The following DCBLD2 variants were observed in gnomAD, a reference collection of about 807,000 sequenced individuals.
DCBLD2 encodes discoidin, CUB and LCCL domain containing 2.
A neutral mutation model predicts 86.8 loss-of-function variants in DCBLD2; 54 were observed. The observed-to-expected ratio is 0.62, with a 90% CI of 0.50 to 0.78. The LOEUF is 0.78. Ranked by LOEUF, DCBLD2 falls within the 30% of genes least tolerant of loss-of-function variation. The pLI, the probability that DCBLD2 is intolerant of heterozygous loss-of-function variation, is 0.00. For synonymous variants in DCBLD2, 354 were observed against 341.3 expected (o/e 1.04, Z -0.41); for missense variants, 908 against 954.2 (o/e 0.95, Z 0.64).
At chr3:98,876,525 A>G (rs1160483906) in intron 2 of DCBLD2, among the ~76,000 whole-genome samples, 3 of 151,650 alleles carry the variant, frequency 2.0e-5, no homozygotes, top group Non-Finnish European at 4.4e-5. Context: ...AGCACTATTT[A>G]TCATTATCAA....
intron 3 of DCBLD2, among the ~76,000 whole-genome samples, chr3:98,833,952 T>G (rs1942371889): frequency 6.6e-6 from 1 of 152,132 alleles, no homozygotes; most frequent in Admixed American, 6.5e-5. Context: ...TGGAGACCCA[T>G]GTAAGAAACA....
chr3:98,855,334 G>A (rs377199582), intron 2 of DCBLD2, among the ~76,000 whole-genome samples: 1 of 152,268 alleles, frequency 6.6e-6, no homozygotes, highest in African/African-American at 2.4e-5. Flanking sequence ...GAGAAAAGCA[G>A]AGAATGGTAA....
intron 2 of DCBLD2, among the ~76,000 whole-genome samples, chr3:98,881,263 A>C (rs1943464308): frequency 8.2e-6 from 1 of 122,396 alleles, no homozygotes; most frequent in African/African-American, 2.9e-5. Context: ...TCAAAAAAAA[A>C]AACAAAAAAA....
Position 98,799,282 on chromosome 3 carries a change from G to T in DCBLD2, c.*90C>A. On this transcript the variant is annotated 3_prime_UTR_variant, in exon 16 of 16. Transcript: ENST00000326840. ...CCCCAACCACTTCAGTGACAGTTAT[G>T]TAATACATTCTATATATTACTACCA... is the stretch of plus-strand genomic sequence containing the variant. 7.5e-7 allele frequency: 1 copy of T among 1,326,444 alleles called. No homozygotes were observed. The highest frequency in any genetic ancestry group is 1.0e-6 in the Non-Finnish European group (1 of 971,334). The allele number at this position is 1,326,444 out of a possible 1,614,324, so 82.2% of individuals were successfully genotyped here.
chr3:98,901,076 C>A (rs943640674), intron 1 of DCBLD2, 46 bp downstream of exon 1: 25 of 1,536,308 alleles, frequency 1.6e-5, no homozygotes, highest in Non-Finnish European at 2.2e-5. Context: ...AGACCCGCAG[C>A]CCCGACGGAG....
intron 7 of DCBLD2, among the ~76,000 whole-genome samples, chr3:98,819,931 C>T (rs1027821574): frequency 1.2e-4 from 19 of 152,194 alleles, no homozygotes; most frequent in East Asian, 3.9e-4. Context: ...CTCTATCACT[C>T]GAACCAGAGC....
At chr3:98,859,062 G>A (rs1942991473) in intron 2 of DCBLD2, among the ~76,000 whole-genome samples, 1 of 152,182 alleles carries the variant, frequency 6.6e-6, no homozygotes, top group African/African-American at 2.4e-5. Context: ...ATAGCAAACG[G>A]CACACCAGGA....
chr3:98,839,499 C>T (rs1384961341), intron 3 of DCBLD2, among the ~76,000 whole-genome samples: 4 of 152,058 alleles, frequency 2.6e-5, no homozygotes, highest in Non-Finnish European at 5.9e-5. Flanking sequence ...CTTAATAAGA[C>T]TGTTATAAAA....
chr3:98,832,057 A>G (rs1352847878), intron 3 of DCBLD2, among the ~76,000 whole-genome samples: 1 of 152,128 alleles, frequency 6.6e-6, no homozygotes, highest in Non-Finnish European at 1.5e-5. Flanking sequence ...GTCTCCCACT[A>G]TTATTGTGTG....
chr3:98,817,666 G>C (rs1942047312), intron 9 of DCBLD2, 103 bp downstream of exon 9: 1 of 1,147,232 alleles, frequency 8.7e-7, no homozygotes, highest in Admixed American at 2.2e-5. Context: ...GGTAGTATAA[G>C]ACATTCTAAA....
Position 98,839,197 on chromosome 3 carries a change from TTCCTTCC to T in DCBLD2, c.571+10257_571+10263del, listed in dbSNP as rs1206960863. On this transcript the variant is annotated intron_variant, in intron 3 of 15. Coordinates refer to ENST00000326840, the MANE Select transcript of DCBLD2 (RefSeq NM_080927.4). ...CTTTCTTTCTTCCTTCCTTCCTTCC[TTCCTTCC>T]TTCTTTCTTTCCTTCTTTCCTTCTC... Among the ~76,000 whole-genome samples, 59 of 149,168 alleles carry T rather than the reference TTCCTTCC, an allele frequency of 4.0e-4. 1 individual carries two copies. The highest frequency in any genetic ancestry group is 1.5e-3 in the African/African-American group (59 of 40,036).
In DCBLD2 at chr3:98,837,092, CGGGGGGCCG is replaced by C. The variant is rs1942479802; in HGVS notation, c.572-11735_572-11727del. Among the ~76,000 whole-genome samples, 2 of 10,278 alleles carry C rather than the reference CGGGGGGCCG, an allele frequency of 1.9e-4. 1 individual carries two copies. The highest frequency in any genetic ancestry group is 4.8e-4 in the Non-Finnish European group (2 of 4,166). The allele number at this position is 10,278 out of a possible 152,430, so 6.7% of individuals were successfully genotyped here. ...CTCCCGGACGGGGCGGCTGGCCGGG[CGGGGGGCCG>C]ACACCCCCACCTCCCTCCCAGACGG... On this transcript the variant is annotated intron_variant, in intron 3 of 15. Transcript: ENST00000326840.
chr3:98,828,938 A>G (rs914717037), intron 3 of DCBLD2, among the ~76,000 whole-genome samples: 3 of 152,238 alleles, frequency 2.0e-5, no homozygotes, highest in African/African-American at 7.2e-5. Context: ...ATACATTTAT[A>G]TGAAATGTTT....
At chr3:98,836,826 A>AC (rs1293466467) in intron 3 of DCBLD2, among the ~76,000 whole-genome samples, 9 of 34,068 alleles carry the variant, frequency 2.6e-4, no homozygotes, top group African/African-American at 7.0e-4. Context: ...CAGGGGGCCG[A>AC]CCCCCCCACC....
chr3:98,796,860 T>C lies in DCBLD2; in HGVS notation c.*2512A>G, dbSNP rs1941609814. 1 of 152,646 alleles carries C rather than the reference T, an allele frequency of 6.6e-6. No individual in the cohort carries two copies. Among genetic ancestry groups the C allele is most frequent in the Admixed American group, 6.5e-5 (1 of 15,280 alleles). 9.5% of individuals were successfully genotyped at this position (152,646 alleles called of 1,614,324 possible). A position where few individuals can be genotyped will look rare whatever the true frequency, so the allele number is the denominator to read the frequency against. Reference sequence around the variant, plus strand: ...ATTTGTTGTGTCTCCGATGTATTTCTATAATTGCATTAACAGGAAAAAACT... The same window carrying C: ...ATTTGTTGTGTCTCCGATGTATTTCCATAATTGCATTAACAGGAAAAAACT... On this transcript the variant is annotated 3_prime_UTR_variant, in exon 16 of 16. Transcript: ENST00000326840.
intron 3 of DCBLD2, among the ~76,000 whole-genome samples, chr3:98,841,375 A>T (rs1301396535): frequency 6.6e-6 from 1 of 152,240 alleles, no homozygotes; most frequent in Non-Finnish European, 1.5e-5. Flanking sequence ...AATAAAGTAC[A>T]ATTAAAAACA....
chr3:98,838,665 A>C (rs1043677402), intron 3 of DCBLD2, among the ~76,000 whole-genome samples: 32 of 152,116 alleles, frequency 2.1e-4, no homozygotes, highest in Non-Finnish European at 2.4e-4. Flanking sequence ...CAGAGGCTGC[A>C]ATCTCGGCAC....
In DCBLD2 at chr3:98,799,671, A is replaced by G; in HGVS notation, c.2029T>C (p.Tyr677His). 1 of 1,613,880 alleles carries G rather than the reference A, an allele frequency of 6.2e-7. No homozygotes were observed. Among genetic ancestry groups the G allele is most frequent in the Non-Finnish European group, 8.5e-7 (1 of 1,179,862 alleles). Reference protein sequence around the residue: ...AEPLPITGPEYATPIIMDMSG... With the variant: ...AEPLPITGPEHATPIIMDMSG... Reference sequence around the variant, plus strand: ...ATGTCCATGATGATTGGGGTTGCATACTCAGGCCCCGTAATTGGGAGTGGT... The same window carrying G: ...ATGTCCATGATGATTGGGGTTGCATGCTCAGGCCCCGTAATTGGGAGTGGT... Residue 677 changes from tyrosine to histidine, a missense_variant, in exon 16 of 16, where the codon TAT (tyrosine) becomes CAT (histidine). This residue lies in a region of DCBLD2 where 606 missense variants were observed against 678.5 expected (regional missense o/e 0.89). Coordinates refer to ENST00000326840, the MANE Select transcript of DCBLD2 (RefSeq NM_080927.4).
At chr3:98,881,097 C>A (rs554676613) in intron 2 of DCBLD2, among the ~76,000 whole-genome samples, 103 of 149,230 alleles carry the variant, frequency 6.9e-4, no homozygotes, top group African/African-American at 1.6e-3. Flanking sequence ...TACTAAAAAT[C>A]AAAAAAAAAT....
Sources: gnomAD v4.1 joint callset for allele counts (sites outside exome capture counted in the v4.1 genomes callset) on GRCh38, gnomAD v4.1.1 for gene constraint, gnomAD v4.1.1 regional missense constraint, MANE v1.5 for transcripts, NCBI Gene and HGNC (gene_info 2026-07-23, HGNC 2026-07-21) for gene names.